SCAPER: variants seen among roughly 807,000 people sequenced by gnomAD.
SCAPER encodes the protein S phase cyclin A-associated protein in the endoplasmic reticulum.
SCAPER carries 98 observed loss-of-function variants against 182.2 expected under a neutral mutation model. The observed-to-expected ratio is 0.54, with a 90% confidence interval of 0.46 to 0.64. The LOEUF (loss-of-function observed/expected upper bound fraction) is 0.64, where lower values mean the gene tolerates loss of function less well. Among genes scored for constraint, SCAPER ranks in the 30% least tolerant of loss-of-function variants. The probability of loss-of-function intolerance (pLI) is 0.00; values close to 1 mark genes in which losing one functional copy is unlikely to be tolerated. For synonymous variants in SCAPER, 605 were observed against 564.6 expected, an observed-to-expected ratio of 1.07 and a Z score of -1.01; for missense variants, 1,432 against 1,690.0, an observed-to-expected ratio of 0.85 and a Z score of 2.68.
At chr15:76,773,415 A>G (rs192263063) in intron 9 of SCAPER, among the ~76,000 whole-genome samples, 6 of 152,046 alleles carry the variant, frequency 3.9e-5, no homozygotes, top group Admixed American at 2.0e-4. Context: ...TTTTTATACT[A>G]AGTTATATTT....
intron 22 of SCAPER, among the ~76,000 whole-genome samples, chr15:76,586,109 T>C (rs2048635553): frequency 6.6e-6 from 1 of 152,210 alleles, no homozygotes; most frequent in Non-Finnish European, 1.5e-5. Context: ...CTCAAGTCTG[T>C]CATTGGTAAA....
At chr15:76,472,705 TG>T (rs1310071177) in intron 24 of SCAPER, among the ~76,000 whole-genome samples, 1 of 152,168 alleles carries the variant, frequency 6.6e-6, no homozygotes, top group African/African-American at 2.4e-5. Context: ...ACTGTTGTAT[TG>T]TGGGGAAGGG....
intron 8 of SCAPER, among the ~76,000 whole-genome samples, chr15:76,789,283 C>A (rs1408073779): frequency 2.0e-5 from 3 of 151,820 alleles, no homozygotes; most frequent in Non-Finnish European, 4.4e-5. Context: ...ACCACACATA[C>A]CAAGAGGAAA....
intron 27 of SCAPER, among the ~76,000 whole-genome samples, chr15:76,394,779 G>A (rs2043938396): frequency 6.6e-6 from 1 of 152,194 alleles, no homozygotes; most frequent in East Asian, 1.9e-4. Context: ...CATGCAATGA[G>A]TAATAATCAC....
intron 21 of SCAPER, among the ~76,000 whole-genome samples, chr15:76,641,553 C>T (rs796442378): frequency 3.1e-4 from 47 of 152,146 alleles, no homozygotes; most frequent in African/African-American, 1.1e-3. Context: ...AGAGAGAGCC[C>T]CGATGCATTG....
rs2066012528 is a variant in SCAPER, at chr15:76,804,606, C to T, written c.421G>A (p.Val141Ile). The T allele has an allele frequency of 1.9e-6, 3 of 1,609,778 alleles. No individual in the cohort carries two copies. In the East Asian group the frequency reaches 6.7e-5, roughly 36 times the overall value. Residue 141 changes from valine to isoleucine, a missense_variant, in exon 6 of 32, where the codon GTA (valine) becomes ATA (isoleucine). Val to Ile is a conservative substitution (Grantham distance 29, BLOSUM62 3). Coordinates refer to ENST00000563290, the MANE Select transcript of SCAPER (RefSeq NM_020843.4). ...KEVLMMLDNY[V>I]RDFKALIDWI... ...TCAATCAATGCTTTGAAATCTCTTACATAGTTATCCAGCATCATTAGCACC... is the reference window on the plus strand; with the variant it reads ...TCAATCAATGCTTTGAAATCTCTTATATAGTTATCCAGCATCATTAGCACC...
intron 23 of SCAPER, among the ~76,000 whole-genome samples, chr15:76,552,763 C>T (rs1316561021): frequency 2.0e-5 from 3 of 151,628 alleles, no homozygotes; most frequent in East Asian, 1.9e-4. Flanking sequence ...CAGCCAGGAA[C>T]GTCAAGCACT....
intron 22 of SCAPER, among the ~76,000 whole-genome samples, chr15:76,583,996 T>C (rs948114858): frequency 2.0e-5 from 3 of 152,144 alleles, no homozygotes; most frequent in African/African-American, 4.8e-5. Context: ...CTATTCATAA[T>C]AGCCAAGATT....
intron 17 of SCAPER, 145 bp downstream of exon 17, chr15:76,728,450 C>G (rs549511764): frequency 8.8e-6 from 9 of 1,025,344 alleles, no homozygotes; most frequent in South Asian, 8.2e-5. Context: ...GGGAGGATCA[C>G]TTGAGTCAGA....
At chr15:76,580,127 T>G (rs1179748652) in intron 22 of SCAPER, among the ~76,000 whole-genome samples, 2 of 152,004 alleles carry the variant, frequency 1.3e-5, no homozygotes, top group Non-Finnish European at 2.9e-5. Context: ...AGACAGAATA[T>G]CAACAAAGAA....
At chr15:76,425,813 T>C (rs887019870) in intron 26 of SCAPER, among the ~76,000 whole-genome samples, 1 of 152,244 alleles carries the variant, frequency 6.6e-6, no homozygotes, top group African/African-American at 2.4e-5. Flanking sequence ...GTCCTTTGTT[T>C]GTTAGTTTTC....
Position 76,644,364 on chromosome 15 carries a change from T to C in SCAPER, c.2645+21289A>G, listed in dbSNP as rs565998630. ...TGTTTATATAAAAATGTGTTATTCA[T>C]GTGAACAAATAATGATTTTATATTA... On this transcript the variant is annotated intron_variant, in intron 21 of 31. Transcript: ENST00000563290. Among the ~76,000 whole-genome samples, 3 of 152,292 alleles carry C rather than the reference T, an allele frequency of 2.0e-5. No homozygotes were observed. In the South Asian group the frequency reaches 6.2e-4, roughly 32 times the overall value.
intron 17 of SCAPER, among the ~76,000 whole-genome samples, chr15:76,727,249 A>T (rs1336060204): frequency 6.6e-6 from 1 of 152,102 alleles, no homozygotes; most frequent in Non-Finnish European, 1.5e-5. Flanking sequence ...GTTTATTTTT[A>T]AATATAGAAC....
intron 20 of SCAPER, among the ~76,000 whole-genome samples, chr15:76,681,680 G>A (rs896581227): frequency 6.6e-6 from 1 of 152,192 alleles, no homozygotes; most frequent in Admixed American, 6.5e-5. Context: ...GAAGAGATGA[G>A]TTGAGGAGGC....
chr15:76,686,462 G>T lies in SCAPER; in HGVS notation c.2508+15296C>A, dbSNP rs912947879. 2.6e-5 allele frequency among the ~76,000 whole-genome samples: 4 copies of T among 152,048 alleles called. No homozygotes were observed. In the South Asian group the frequency reaches 8.3e-4, roughly 31 times the overall value. ...TAACTCTTATACGTCACTGGTAAGA[G>T]TGCAAATTGGTGCAACCAATTAGAA... On this transcript the variant is annotated intron_variant, in intron 20 of 31. Coordinates refer to ENST00000563290, the MANE Select transcript of SCAPER (RefSeq NM_020843.4).
chr15:76,733,931 G>A (rs2061078906), intron 15 of SCAPER, among the ~76,000 whole-genome samples: 2 of 152,146 alleles, frequency 1.3e-5, no homozygotes, highest in South Asian at 4.2e-4. Context: ...TTAGAAAGAA[G>A]TGATTTAGAG....
At chr15:76,716,228 G>A (rs1049857070) in intron 17 of SCAPER, among the ~76,000 whole-genome samples, 24 of 152,134 alleles carry the variant, frequency 1.6e-4, no homozygotes, top group Admixed American at 1.6e-3. Context: ...GAAGCTGCAT[G>A]ATAACTACAC....
At chr15:76,506,504 T>C (rs546221316) in intron 23 of SCAPER, among the ~76,000 whole-genome samples, 2 of 152,040 alleles carry the variant, frequency 1.3e-5, no homozygotes, top group Non-Finnish European at 2.9e-5. Context: ...AGATAAAAGG[T>C]TCTCTATGAG....
intron 21 of SCAPER, among the ~76,000 whole-genome samples, chr15:76,634,845 G>C (rs2053457946): frequency 7.3e-6 from 1 of 137,770 alleles, no homozygotes; most frequent in African/African-American, 2.7e-5. Flanking sequence ...AATTGGGTGT[G>C]GGTATTTGTG....
Sources: gnomAD v4.1 joint callset for allele counts (sites outside exome capture counted in the v4.1 genomes callset) on GRCh38, gnomAD v4.1.1 for gene constraint, MANE v1.5 for transcripts, NCBI Gene and HGNC (gene_info 2026-07-23, HGNC 2026-07-21) for gene names.